GALNTL6: variants seen among roughly 807,000 people sequenced by gnomAD.
GALNTL6 encodes polypeptide N-acetylgalactosaminyltransferase like 6, also known as polypeptide N-acetylgalactosaminyltransferase-like 6.
GALNTL6 carries 46 observed loss-of-function variants against 73.7 expected under a neutral mutation model. The ratio of observed to expected loss-of-function variants is 0.62; its 90% CI spans 0.49 to 0.80. GALNTL6 has a LOEUF of 0.80. Ranked by LOEUF, GALNTL6 falls within the 30% of genes least tolerant of loss-of-function variation. The pLI, the probability that GALNTL6 is intolerant of heterozygous loss-of-function variation, is 0.00. For missense variants in GALNTL6, 604 were observed against 755.0 expected, an observed-to-expected ratio of 0.80 and a Z score of 2.34; for synonymous variants, 259 against 263.7, an observed-to-expected ratio of 0.98 and a Z score of 0.17.
At chr4:172,969,637 T>A (rs1750482985) in intron 10 of GALNTL6, among the ~76,000 whole-genome samples, 1 of 152,194 alleles carries the variant, frequency 6.6e-6, no homozygotes, top group Admixed American at 6.5e-5. Flanking sequence ...AAGCAGTAGT[T>A]GTAAAGATGC....
At chr4:172,377,661 C>T (rs1042124346) in intron 5 of GALNTL6, among the ~76,000 whole-genome samples, 2 of 152,156 alleles carry the variant, frequency 1.3e-5, no homozygotes, top group African/African-American at 4.8e-5. Flanking sequence ...TGGTGGGCTG[C>T]AGGTCCCAAG....
At chr4:172,962,799 G>C (rs1413673104) in intron 10 of GALNTL6, among the ~76,000 whole-genome samples, 3 of 151,830 alleles carry the variant, frequency 2.0e-5, no homozygotes, top group African/African-American at 4.8e-5. Context: ...AACTCAGCTT[G>C]TAAAGGATAT....
chr4:171,883,175 A>G (rs1228558397), intron 2 of GALNTL6, among the ~76,000 whole-genome samples: 1 of 151,862 alleles, frequency 6.6e-6, no homozygotes, highest in Non-Finnish European at 1.5e-5. Flanking sequence ...ACATGGTGAA[A>G]CCTCGTCTCT....
chr4:172,383,603 C>A (rs371622469), intron 5 of GALNTL6, among the ~76,000 whole-genome samples: 3 of 152,060 alleles, frequency 2.0e-5, no homozygotes, highest in African/African-American at 7.2e-5. Context: ...GCATAATTGT[C>A]CTGGTTAGAA....
At chr4:172,139,807 A>AT (rs1733755930) in intron 2 of GALNTL6, among the ~76,000 whole-genome samples, 1 of 152,044 alleles carries the variant, frequency 6.6e-6, no homozygotes, top group South Asian at 2.1e-4. Context: ...ATTTTCACTT[A>AT]TTTTTTTAAA....
intron 5 of GALNTL6, among the ~76,000 whole-genome samples, chr4:172,592,654 ATCTGTCTG>A (rs201455102): frequency 9.5e-5 from 13 of 136,848 alleles, no homozygotes; most frequent in South Asian, 2.4e-4. Flanking sequence ...TCAAATCTAT[ATCTGTCTG>A]TCTGTCTGTC....
chr4:172,442,454 A>G (rs1349965353), intron 5 of GALNTL6, among the ~76,000 whole-genome samples: 1 of 152,196 alleles, frequency 6.6e-6, no homozygotes, highest in African/African-American at 2.4e-5. Context: ...AAATTTTATA[A>G]ATAATGCTCA....
At chr4:172,345,038 A>C (rs1418342148) in intron 4 of GALNTL6, among the ~76,000 whole-genome samples, 1 of 152,114 alleles carries the variant, frequency 6.6e-6, no homozygotes, top group Non-Finnish European at 1.5e-5. Context: ...TGCTATATGA[A>C]GTACGTTACA....
intron 3 of GALNTL6, chr4:172,266,359 GCT>G (rs1738452744): frequency 2.6e-5 from 4 of 152,096 alleles, no homozygotes; most frequent in Non-Finnish European, 5.9e-5. Flanking sequence ...GGTAATTAAT[GCT>G]TCAAGTTACA....
At chr4:172,906,462 C>CT (rs1746900003) in intron 8 of GALNTL6, among the ~76,000 whole-genome samples, 1 of 152,164 alleles carries the variant, frequency 6.6e-6, no homozygotes, top group Admixed American at 6.5e-5. Context: ...TTATCACAAA[C>CT]TTAGTGGCTT....
chr4:172,250,711 T>A (rs1180111454), intron 3 of GALNTL6, among the ~76,000 whole-genome samples: 1 of 152,134 alleles, frequency 6.6e-6, no homozygotes, highest in Non-Finnish European at 1.5e-5. Context: ...GAATTATGAG[T>A]CAATTAAACT....
In GALNTL6 at chr4:172,551,120, A is replaced by T. The variant is rs146715258; in HGVS notation, c.553+202431A>T. Among the ~76,000 whole-genome samples, 3 of 152,342 alleles carry T rather than the reference A, an allele frequency of 2.0e-5. No individual in the cohort carries two copies. The East Asian group carries it at 5.8e-4, about 29-fold the overall frequency. ...GATGTGCATGCTACTGATCTATAGC[A>T]CATACTTTGAATAGCAAGGATTTAG... On this transcript the variant is annotated intron_variant, in intron 5 of 12. Coordinates refer to ENST00000506823, the MANE Select transcript of GALNTL6 (RefSeq NM_001034845.3).
At chr4:172,778,811 C>A (rs577453829) in intron 5 of GALNTL6, among the ~76,000 whole-genome samples, 1 of 152,186 alleles carries the variant, frequency 6.6e-6, no homozygotes, top group Non-Finnish European at 1.5e-5. Flanking sequence ...CAGGCACAGT[C>A]CCTCCTGGAA....
At chr4:172,285,903 C>T (rs560805888) in intron 3 of GALNTL6, among the ~76,000 whole-genome samples, 1 of 152,278 alleles carries the variant, frequency 6.6e-6, no homozygotes, top group Admixed American at 6.5e-5. Flanking sequence ...GTCAAAGTCC[C>T]TGAGGCAAGA....
chr4:172,218,003 G>T (rs1352093983), intron 2 of GALNTL6, among the ~76,000 whole-genome samples: 1 of 151,978 alleles, frequency 6.6e-6, no homozygotes, highest in African/African-American at 2.4e-5. Context: ...ATGTCTTTCA[G>T]CTCTTTCAGC....
intron 7 of GALNTL6, among the ~76,000 whole-genome samples, chr4:172,872,288 C>T (rs755374135): frequency 1.3e-5 from 2 of 152,156 alleles, no homozygotes; most frequent in African/African-American, 2.4e-5. Context: ...TTTTTTTCCT[C>T]AGATTATTTT....
intron 5 of GALNTL6, among the ~76,000 whole-genome samples, chr4:172,698,650 A>G (rs1269010638): frequency 1.3e-5 from 2 of 152,160 alleles, no homozygotes; most frequent in Non-Finnish European, 2.9e-5. Flanking sequence ...GTGCCACTCA[A>G]ACTATGTTTG....
intron 5 of GALNTL6, among the ~76,000 whole-genome samples, chr4:172,559,871 C>T (rs1736290049): frequency 6.6e-6 from 1 of 152,106 alleles, no homozygotes; most frequent in Admixed American, 6.5e-5. Context: ...CCTAAAATGG[C>T]CCCATGATCT....
chr4:172,033,262 A>G (rs1481251163), intron 2 of GALNTL6, among the ~76,000 whole-genome samples: 2 of 152,096 alleles, frequency 1.3e-5, no homozygotes, highest in Admixed American at 6.6e-5. Flanking sequence ...TATGTAACCT[A>G]TAAAAGCACA....
Sources: gnomAD v4.1 joint callset for allele counts (sites outside exome capture counted in the v4.1 genomes callset) on GRCh38, gnomAD v4.1.1 for gene constraint, MANE v1.5 for transcripts, NCBI Gene and HGNC (gene_info 2026-07-23, HGNC 2026-07-21) for gene names.